Variants in AMPH observed in about 807,000 individuals in gnomAD.
AMPH encodes amphiphysin.
AMPH carries 49 observed loss-of-function variants against 99.1 expected under a neutral mutation model. The observed-to-expected ratio is 0.49, with a 90% CI of 0.39 to 0.63. AMPH has a LOEUF of 0.63. AMPH is among the 20% of genes least tolerant of loss of function. The probability of loss-of-function intolerance (pLI) is 0.00; values close to 1 mark genes in which losing one functional copy is unlikely to be tolerated. For missense variants in AMPH, 759 were observed against 863.4 expected (o/e 0.88, Z 1.52); for synonymous variants, 314 against 317.3 (o/e 0.99, Z 0.11).
At chr7:38,480,278 G>A (rs904547855) in intron 5 of AMPH, among the ~76,000 whole-genome samples, 11 of 152,032 alleles carry the variant, frequency 7.2e-5, no homozygotes, top group African/African-American at 2.2e-4. Flanking sequence ...AGTGACCAGC[G>A]CCAGGAGTAG....
At chr7:38,407,891 G>T (rs970945932) in intron 17 of AMPH, among the ~76,000 whole-genome samples, 1 of 152,204 alleles carries the variant, frequency 6.6e-6, no homozygotes, top group African/African-American at 2.4e-5. Context: ...TTCATAAGCA[G>T]GTTTCTGCTT....
chr7:38,430,772 T>C (rs1414161792), intron 13 of AMPH, among the ~76,000 whole-genome samples: 1 of 152,202 alleles, frequency 6.6e-6, no homozygotes, highest in Non-Finnish European at 1.5e-5. Flanking sequence ...AACTTAGTCA[T>C]TGGTGGTTTC....
At chr7:38,392,249 G>A (rs1305142029) in intron 18 of AMPH, among the ~76,000 whole-genome samples, 3 of 152,030 alleles carry the variant, frequency 2.0e-5, no homozygotes, top group Non-Finnish European at 4.4e-5. Flanking sequence ...TAGCCAGGCA[G>A]TTTGGTAAGC....
chr7:38,503,608 C>T (rs771464948), intron 3 of AMPH, 42 bp downstream of exon 3: 11 of 1,594,024 alleles, frequency 6.9e-6, no homozygotes, highest in Admixed American at 3.3e-5. Context: ...CCAAGAACAA[C>T]CTGTGCTAAG....
chr7:38,453,680 T>C (rs987921750), intron 11 of AMPH, among the ~76,000 whole-genome samples: 1 of 152,198 alleles, frequency 6.6e-6, no homozygotes, highest in Non-Finnish European at 1.5e-5. Flanking sequence ...TACTTCACAA[T>C]GAGTCTGCAT....
chr7:38,529,918 C>T (rs1267434243), intron 2 of AMPH, among the ~76,000 whole-genome samples: 1 of 152,148 alleles, frequency 6.6e-6, no homozygotes, highest in Non-Finnish European at 1.5e-5. Flanking sequence ...AACATATATA[C>T]TGTGGCAGTA....
Position 38,429,027 on chromosome 7 carries a change from G to A in AMPH, c.1182+815C>T, listed in dbSNP as rs752185694. On this transcript the variant is annotated intron_variant, in intron 14 of 20. Transcript: ENST00000356264. ...TTCAAATTCCTCTGTACCTTCTAGT[G>A]TCTTGATATCAATAGCTCCAGTGTC... is the stretch of plus-strand genomic sequence containing the variant. The A allele has an allele frequency of 1.2e-5, 16 of 1,290,098 alleles. No homozygotes were observed. In the South Asian group the frequency reaches 1.7e-4, roughly 14 times the overall value. 79.9% of individuals were successfully genotyped at this position (1,290,098 alleles called of 1,614,324 possible).
At chr7:38,512,633 A>C (rs966653121) in intron 2 of AMPH, among the ~76,000 whole-genome samples, 3 of 152,186 alleles carry the variant, frequency 2.0e-5, no homozygotes, top group Non-Finnish European at 4.4e-5. Context: ...CCATCAGAGA[A>C]ATAACATGAA....
At chr7:38,435,327 C>A (rs1452436234) in intron 12 of AMPH, among the ~76,000 whole-genome samples, 2 of 152,220 alleles carry the variant, frequency 1.3e-5, no homozygotes, top group Non-Finnish European at 1.5e-5. Flanking sequence ...CATATTGAGC[C>A]ATTTATTCCC....
chr7:38,449,759 A>G (rs2284253), intron 11 of AMPH, among the ~76,000 whole-genome samples: 46,162 of 152,050 alleles, frequency 0.3, 7,475 homozygotes, highest in South Asian at 0.41. Flanking sequence ...TAATGTTAAC[A>G]TGTTTACTTT....
At chr7:38,576,291 C>T (rs921265411) in intron 1 of AMPH, among the ~76,000 whole-genome samples, 5 of 152,276 alleles carry the variant, frequency 3.3e-5, no homozygotes, top group East Asian at 1.9e-4. Flanking sequence ...TTGAGCTCCA[C>T]GACTCATGCT....
chr7:38,537,481 A>G (rs1252209908), intron 1 of AMPH, among the ~76,000 whole-genome samples: 1 of 152,224 alleles, frequency 6.6e-6, no homozygotes, highest in Non-Finnish European at 1.5e-5. Flanking sequence ...AATGTTGAAA[A>G]TGTTACATGA....
At chr7:38,454,451 T>C (rs936081015) in intron 11 of AMPH, among the ~76,000 whole-genome samples, 6 of 152,118 alleles carry the variant, frequency 3.9e-5, no homozygotes, top group African/African-American at 4.8e-5. Flanking sequence ...GACTTCTGTA[T>C]GGTCTTTTAC....
At chr7:38,599,004 T>C (rs1314831865) in intron 1 of AMPH, among the ~76,000 whole-genome samples, 1 of 152,236 alleles carries the variant, frequency 6.6e-6, no homozygotes, top group Non-Finnish European at 1.5e-5. Context: ...GACTTTAGTG[T>C]GTAACGTGCT....
intron 1 of AMPH, among the ~76,000 whole-genome samples, chr7:38,545,111 T>C (rs1410011740): frequency 6.6e-6 from 1 of 152,222 alleles, no homozygotes; most frequent in Non-Finnish European, 1.5e-5. Context: ...ACCATACATG[T>C]GCCAGCAATG....
chr7:38,577,426 A>G (rs1792286532), intron 1 of AMPH, among the ~76,000 whole-genome samples: 1 of 152,186 alleles, frequency 6.6e-6, no homozygotes, highest in Admixed American at 6.5e-5. Context: ...CCCACTCTGA[A>G]CTAGCACATT....
At chr7:38,605,752 A>T (rs549804640) in intron 1 of AMPH, among the ~76,000 whole-genome samples, 42 of 150,856 alleles carry the variant, frequency 2.8e-4, no homozygotes, top group South Asian at 1.3e-3. Flanking sequence ...TTTTTTTTTT[A>T]AATATTTTAA....
rs146262796 is a variant in AMPH at position 38,522,836 on chromosome 7, G to A, written c.150+12095C>T. Among the ~76,000 whole-genome samples, 1,261 of 152,280 alleles carry A rather than the reference G, an allele frequency of 8.3e-3. 18 individuals carry two copies. Among genetic ancestry groups the A allele is most frequent in the African/African-American group, 0.027 (1,102 of 41,564 alleles). On this transcript the variant is annotated intron_variant, in intron 2 of 20. Coordinates refer to ENST00000356264, the MANE Select transcript of AMPH (RefSeq NM_001635.4). The stretch of plus-strand genomic sequence containing the variant: ...AGAAAGGGGGAAGGCCCAGCCAGGC[G>A]TGGTGGCTCACGCCTGTAATCCAGC...
intron 11 of AMPH, among the ~76,000 whole-genome samples, chr7:38,438,155 G>A (rs74921517): frequency 0.047 from 7,091 of 152,254 alleles, 313 homozygotes; most frequent in African/African-American, 0.11. Context: ...GATAGGCACT[G>A]TTCGAAGAAC....
Sources: allele counts gnomAD v4.1 joint callset (sites outside exome capture counted in the v4.1 genomes callset), GRCh38; gene constraint gnomAD v4.1.1; transcripts MANE v1.5; gene names NCBI Gene and HGNC (gene_info 2026-07-23, HGNC 2026-07-21).